SHISA9: variants seen among roughly 807,000 people sequenced by gnomAD.
SHISA9 encodes the protein protein shisa-9.
In SHISA9, 13 loss-of-function variants were observed where a neutral mutation model predicts 38.0. That is an observed-to-expected ratio of 0.34 (90% CI 0.22 to 0.54). SHISA9 has a LOEUF of 0.54. Ranked by LOEUF, SHISA9 falls within the 20% of genes least tolerant of loss-of-function variation. SHISA9 has a pLI of 0.91. For synonymous variants in SHISA9, 275 were observed against 242.0 expected (o/e 1.14, Z -1.27); for missense variants, 538 against 575.8 (o/e 0.93, Z 0.67).
intron 2 of SHISA9, among the ~76,000 whole-genome samples, chr16:12,967,538 A>G (rs1326614056): frequency 6.6e-6 from 1 of 152,096 alleles, no homozygotes; most frequent in Non-Finnish European, 1.5e-5. Context: ...GTGCACATGT[A>G]CCCTAAAACT....
chr16:12,997,919 C>T (rs777065285), intron 2 of SHISA9, among the ~76,000 whole-genome samples: 4 of 152,136 alleles, frequency 2.6e-5, no homozygotes, highest in Non-Finnish European at 2.9e-5. Flanking sequence ...TCAGCTTAAA[C>T]GGTGCCTTCT....
chr16:13,302,679 T>A, the SHISA9 span, among the ~76,000 whole-genome samples: 1 of 152,320 alleles, frequency 6.6e-6, no homozygotes, highest in East Asian at 1.9e-4. Flanking sequence ...TCCATCTAGA[T>A]AATCTCACTT....
intron 2 of SHISA9, among the ~76,000 whole-genome samples, chr16:12,945,458 T>C (rs1567348317): frequency 6.6e-6 from 1 of 152,228 alleles, no homozygotes; most frequent in Non-Finnish European, 1.5e-5. Flanking sequence ...TTCCTGGTTA[T>C]AAATGTAATA....
the SHISA9 span, among the ~76,000 whole-genome samples, chr16:13,312,059 AC>A: frequency 6.6e-6 from 1 of 152,178 alleles, no homozygotes; most frequent in Admixed American, 6.5e-5. Flanking sequence ...TGGTTTTAAA[AC>A]CAGTGTATAC....
At chr16:13,052,864 G>A (rs1222841736) in intron 2 of SHISA9, among the ~76,000 whole-genome samples, 1 of 151,996 alleles carries the variant, frequency 6.6e-6, no homozygotes, top group Non-Finnish European at 1.5e-5. Context: ...ATCTTTGGTT[G>A]GGGAAACTGA....
rs201436044 is a variant in SHISA9 at position 13,152,258 on chromosome 16, ATCT to A, written c.692-51132_692-51130del. ...GACACTTTTTTTTCCCCAAAAATAA[ATCT>A]TCTGTCCTCCATACAAGTCAGGAGA... is the stretch of plus-strand genomic sequence containing the variant. On this transcript the variant is annotated intron_variant, in intron 2 of 4. Transcript: ENST00000558583. 7.9e-3 allele frequency among the ~76,000 whole-genome samples: 1,206 copies of A among 152,264 alleles called. 10 individuals are homozygous for A. The highest frequency in any genetic ancestry group is 0.023 in the African/African-American group (957 of 41,560).
the SHISA9 span, among the ~76,000 whole-genome samples, chr16:13,433,653 T>G: frequency 6.6e-6 from 1 of 152,166 alleles, no homozygotes; most frequent in Non-Finnish European, 1.5e-5. Context: ...TAAGAAATAT[T>G]AATATAACAC....
chr16:13,269,941 C>T, the SHISA9 span, among the ~76,000 whole-genome samples: 3 of 152,104 alleles, frequency 2.0e-5, no homozygotes, highest in Admixed American at 6.6e-5. Context: ...TCCCCACTAG[C>T]GAGGCTGACA....
At chr16:13,150,477 C>G (rs1005567020) in intron 2 of SHISA9, among the ~76,000 whole-genome samples, 1 of 152,072 alleles carries the variant, frequency 6.6e-6, no homozygotes, top group African/African-American at 2.4e-5. Context: ...CAGCAAGAGA[C>G]ACAGCAAGTA....
chr16:13,370,964 G>A, the SHISA9 span, among the ~76,000 whole-genome samples: 1 of 152,084 alleles, frequency 6.6e-6, no homozygotes, highest in East Asian at 1.9e-4. Context: ...TAAAAATAAA[G>A]GGCACCCAAA....
the SHISA9 span, among the ~76,000 whole-genome samples, chr16:13,447,441 C>G: frequency 1.4e-4 from 22 of 152,338 alleles, no homozygotes; most frequent in East Asian, 7.7e-4. Context: ...TGGCCCATCT[C>G]TGGCTGCACA....
intron 4 of SHISA9, among the ~76,000 whole-genome samples, chr16:13,229,685 T>A (rs922508345): frequency 2.0e-5 from 3 of 152,110 alleles, no homozygotes; most frequent in Non-Finnish European, 4.4e-5. Flanking sequence ...GCCACCCAGA[T>A]GGAAGGATAT....
the SHISA9 span, among the ~76,000 whole-genome samples, chr16:13,261,569 C>G: frequency 6.6e-6 from 1 of 152,180 alleles, no homozygotes; most frequent in African/African-American, 2.4e-5. Flanking sequence ...CTGAAGTTGA[C>G]TAGGAATAAA....
At chr16:13,120,900 T>G (rs2050203307) in intron 2 of SHISA9, among the ~76,000 whole-genome samples, 1 of 152,110 alleles carries the variant, frequency 6.6e-6, no homozygotes, top group Non-Finnish European at 1.5e-5. Context: ...GATTAAGAAC[T>G]TTTTTTAAGC....
At chr16:13,189,366 C>A (rs755168602) in intron 2 of SHISA9, among the ~76,000 whole-genome samples, 1 of 152,168 alleles carries the variant, frequency 6.6e-6, no homozygotes, top group African/African-American at 2.4e-5. Context: ...GTGCTAGGGG[C>A]AGCTTAGCTT....
chr16:13,386,306 C>T, the SHISA9 span, among the ~76,000 whole-genome samples: 1 of 152,166 alleles, frequency 6.6e-6, no homozygotes, highest in African/African-American at 2.4e-5. Context: ...AAGCTGAAAT[C>T]CCAATGGTTT....
In SHISA9 at chr16:13,006,233, A is replaced by G. The variant is rs549315258; in HGVS notation, c.691+89418A>G. Reference sequence around the variant, plus strand: ...CTTCCACCCCAAAGGAAGGGACCAGAGTGACCTCAGCAACCTGGGTGGCTG... The same window carrying G: ...CTTCCACCCCAAAGGAAGGGACCAGGGTGACCTCAGCAACCTGGGTGGCTG... On this transcript the variant is annotated intron_variant, in intron 2 of 4. Transcript: ENST00000558583. 2.0e-5 allele frequency among the ~76,000 whole-genome samples: 3 copies of G among 152,346 alleles called. No homozygotes were observed. The East Asian group carries it at 5.8e-4, about 29-fold the overall frequency.
rs147123353 is a variant in SHISA9 at position 12,991,916 on chromosome 16, C to T, written c.691+75101C>T. On this transcript the variant is annotated intron_variant, in intron 2 of 4. Coordinates refer to ENST00000558583, the MANE Select transcript of SHISA9 (RefSeq NM_001145204.3). ...TTAGCTTATCCATCCGATGGGTTCA[C>T]GGACATTATTGCTTAGGATGACACT... 8.1e-4 allele frequency among the ~76,000 whole-genome samples: 123 copies of T among 152,098 alleles called. 1 individual carries two copies. The East Asian group carries it at 8.3e-3, about 10-fold the overall frequency.
the SHISA9 span, among the ~76,000 whole-genome samples, chr16:13,451,128 T>A: frequency 6.6e-6 from 1 of 152,136 alleles, no homozygotes; most frequent in Non-Finnish European, 1.5e-5. Flanking sequence ...GGAATTTGTG[T>A]ATAGCTGCCC....
Sources: gnomAD v4.1 joint callset for allele counts (sites outside exome capture counted in the v4.1 genomes callset) on GRCh38, gnomAD v4.1.1 for gene constraint, MANE v1.5 for transcripts, NCBI Gene and HGNC (gene_info 2026-07-23, HGNC 2026-07-21) for gene names.